FOCAD: variants seen among roughly 807,000 people sequenced by gnomAD.
The protein encoded by FOCAD is KIAA1797.
In FOCAD, 198 loss-of-function variants were observed where a neutral mutation model predicts 225.6. That is an observed-to-expected ratio of 0.88 (90% confidence interval 0.78 to 0.99). The LOEUF is 0.99. Among genes scored for constraint, FOCAD ranks in the 50% least tolerant of loss-of-function variants. The pLI, the probability that FOCAD is intolerant of heterozygous loss-of-function variation, is 0.00. For missense variants in FOCAD, 2,713 were observed against 2,123.6 expected, an observed-to-expected ratio of 1.28 and a Z score of -5.46; for synonymous variants, 897 against 755.0, an observed-to-expected ratio of 1.19 and a Z score of -3.08.
intron 15 of FOCAD, among the ~76,000 whole-genome samples, chr9:20,845,223 A>G (rs1826957571): frequency 6.6e-6 from 1 of 152,062 alleles, no homozygotes; most frequent in Admixed American, 6.6e-5. Flanking sequence ...TTTGATGCTC[A>G]AAAATCAGAA....
chr9:20,769,269 T>TAA (rs759268075), intron 7 of FOCAD, among the ~76,000 whole-genome samples: 1 of 152,252 alleles, frequency 6.6e-6, no homozygotes, highest in South Asian at 2.1e-4. Context: ...TAACCACTGG[T>TAA]AAAAGGTACT....
intron 10 of FOCAD, among the ~76,000 whole-genome samples, chr9:20,783,950 T>C (rs568604581): frequency 6.6e-6 from 1 of 152,220 alleles, no homozygotes; most frequent in South Asian, 2.1e-4. Context: ...TAAAACCTTA[T>C]AAAAAAGCAT....
upstream of FOCAD, among the ~76,000 whole-genome samples, chr9:20,680,342 G>A (rs1395553790): frequency 3.3e-5 from 5 of 151,992 alleles, no homozygotes; most frequent in South Asian, 2.1e-4. Flanking sequence ...AGCCCACCAC[G>A]AGGTCAAGAG....
At chr9:20,730,698 G>A (rs527743266) in intron 4 of FOCAD, among the ~76,000 whole-genome samples, 22 of 152,128 alleles carry the variant, frequency 1.4e-4, no homozygotes, top group African/African-American at 5.1e-4. Context: ...TTCTTGCCCC[G>A]GTCTTAATAT....
At chr9:20,885,075 A>C in intron 20 of FOCAD, 34 bp from the exon 21 acceptor site, 1 of 1,240,282 alleles carries the variant, frequency 8.1e-7, no homozygotes, top group Admixed American at 3.2e-5. Context: ...ATAAAAATAA[A>C]AATAAAATAA....
At chr9:20,810,344 A>C (rs967464898) in intron 11 of FOCAD, among the ~76,000 whole-genome samples, 1 of 152,110 alleles carries the variant, frequency 6.6e-6, no homozygotes, top group Non-Finnish European at 1.5e-5. Context: ...AGAGATTTCA[A>C]ACTCCTCCTT....
At position 20,781,937 on chromosome 9, in the gene FOCAD, A is replaced by G. The variant is rs373527494; in HGVS notation, c.1197+8A>G. The stretch of plus-strand genomic sequence containing the variant: ...AGAGATGACCACCAAAAGGTAATGA[A>G]TCTATCCTTGTTTCTCTTAAATAAA... On this transcript the variant is annotated splice_region_variant and intron_variant, in intron 10 of 43. Coordinates refer to ENST00000338382, the MANE Select transcript of FOCAD (RefSeq NM_001375567.1). 1.2e-6 allele frequency: 2 copies of G among 1,611,942 alleles called. No individual in the cohort carries two copies. Among genetic ancestry groups the G allele is most frequent in the African/African-American group, 1.3e-5 (1 of 75,004 alleles).
chr9:20,867,599 A>T (rs1042198181), intron 18 of FOCAD, among the ~76,000 whole-genome samples: 2 of 152,084 alleles, frequency 1.3e-5, no homozygotes, highest in African/African-American at 2.4e-5. Context: ...AACTAAAAAC[A>T]TATAACCTCT....
chr9:20,917,080 T>C (rs2132088335), intron 24 of FOCAD, 143 bp downstream of exon 24: 1 of 628,428 alleles, frequency 1.6e-6, no homozygotes, highest in Non-Finnish European at 2.7e-6. Context: ...AATTAATCGT[T>C]ACCCTTCTTA....
rs1243824813 is a variant in FOCAD, at chr9:20,926,918, A to G, written c.3078+501A>G. 1.2e-4 allele frequency among the ~76,000 whole-genome samples: 18 copies of G among 151,096 alleles called. No individual in the cohort carries two copies. The Admixed American group carries it at 1.2e-3, about 10-fold the overall frequency. ...ACACGAAATATTATCTATATAAAAT[A>G]TGAAAATATTATATATGTAAATTAT... On this transcript the variant is annotated intron_variant, in intron 26 of 43. Coordinates refer to ENST00000338382, the MANE Select transcript of FOCAD (RefSeq NM_001375567.1).
At chr9:20,673,664 G>A (rs748113859) in intron 2 of FOCAD, among the ~76,000 whole-genome samples, 96 of 152,074 alleles carry the variant, frequency 6.3e-4, no homozygotes, top group Non-Finnish European at 8.1e-4. Context: ...GCGTGATGGC[G>A]TGATCTCGGC....
intron 34 of FOCAD, among the ~76,000 whole-genome samples, chr9:20,952,672 T>C (rs1246708839): frequency 6.6e-6 from 1 of 152,186 alleles, no homozygotes; most frequent in East Asian, 1.9e-4. Flanking sequence ...TTAGGGCTTA[T>C]TGATGTGACA....
intron 15 of FOCAD, among the ~76,000 whole-genome samples, chr9:20,827,862 T>A (rs138325317): frequency 6.6e-6 from 1 of 152,226 alleles, no homozygotes; most frequent in East Asian, 1.9e-4. Flanking sequence ...TTTATTTTGT[T>A]AAAGATTTTT....
At chr9:20,787,099 TAAAC>T (rs924981197) in intron 10 of FOCAD, 22 of 282,818 alleles carry the variant, frequency 7.8e-5, no homozygotes, top group African/African-American at 2.3e-4. Flanking sequence ...AACAAACAAA[TAAAC>T]AAACAAACTT....
chr9:20,818,037 C>T (rs555599612), intron 11 of FOCAD, among the ~76,000 whole-genome samples: 5 of 152,202 alleles, frequency 3.3e-5, no homozygotes, highest in Middle Eastern at 3.4e-3. Context: ...TTCACATATT[C>T]GGCAACACTT....
At chr9:20,919,351 G>A (rs867714626) in intron 24 of FOCAD, among the ~76,000 whole-genome samples, 1 of 152,170 alleles carries the variant, frequency 6.6e-6, no homozygotes, top group South Asian at 2.1e-4. Flanking sequence ...CATGTTCCTG[G>A]GTAGGAAGAA....
intron 4 of FOCAD, among the ~76,000 whole-genome samples, chr9:20,729,060 AT>A (rs1826448944): frequency 2.0e-5 from 3 of 152,214 alleles, no homozygotes; most frequent in African/African-American, 7.2e-5. Context: ...CAGATTTCCA[AT>A]GGTGGGACCT....
rs918277488 is a variant in FOCAD, at chr9:20,847,484, T to G, written c.1921-15094T>G. Among the ~76,000 whole-genome samples, 33 of 152,158 alleles carry G rather than the reference T, an allele frequency of 2.2e-4. No homozygotes were observed. In the East Asian group the frequency reaches 6.4e-3, roughly 29 times the overall value. On this transcript the variant is annotated intron_variant, in intron 15 of 43. Transcript: ENST00000338382. ...TCCATCTGCTCAGATTTTTTTTTTT[T>G]TTTTAGATTCATGCAGTATTGTTTT...
chr9:20,962,324 A>G (rs1341129780), intron 35 of FOCAD, among the ~76,000 whole-genome samples: 3 of 152,064 alleles, frequency 2.0e-5, no homozygotes, highest in Non-Finnish European at 4.4e-5. Flanking sequence ...GTTTTATCGT[A>G]AATACTTAGA....
Sources: allele counts gnomAD v4.1 joint callset (sites outside exome capture counted in the v4.1 genomes callset), GRCh38; gene constraint gnomAD v4.1.1; transcripts MANE v1.5; gene names NCBI Gene and HGNC (gene_info 2026-07-23, HGNC 2026-07-21).